The following SGCZ variants were observed in gnomAD, a reference collection of about 807,000 sequenced individuals.
The protein encoded by SGCZ is sarcoglycan zeta.
A neutral mutation model predicts 41.3 loss-of-function variants in SGCZ; 40 were observed. The observed-to-expected ratio is 0.97, with a 90% CI of 0.75 to 1.26. The LOEUF (loss-of-function observed/expected upper bound fraction) is 1.26. Ranked by LOEUF, SGCZ falls within the 50% of genes most tolerant of loss-of-function variation. The probability of loss-of-function intolerance (pLI) is 0.00; values close to 1 mark genes in which losing one functional copy is unlikely to be tolerated. For synonymous variants in SGCZ, 206 were observed against 137.5 expected, an observed-to-expected ratio of 1.50 and a Z score of -3.49; for missense variants, 552 against 369.8, an observed-to-expected ratio of 1.49 and a Z score of -4.04.
At chr8:14,943,463 T>C (rs1004795530) in intron 1 of SGCZ, among the ~76,000 whole-genome samples, 4 of 152,214 alleles carry the variant, frequency 2.6e-5, no homozygotes, top group Non-Finnish European at 4.4e-5. Flanking sequence ...CTGTGAGGCT[T>C]GCTGGGCCTC....
intron 4 of SGCZ, among the ~76,000 whole-genome samples, chr8:14,179,990 G>A (rs914609265): frequency 2.0e-5 from 3 of 152,312 alleles, no homozygotes; most frequent in Admixed American, 1.3e-4. Flanking sequence ...GCACTCTTTT[G>A]TATTAGAAGT....
intron 1 of SGCZ, among the ~76,000 whole-genome samples, chr8:15,044,180 G>T (rs1186820067): frequency 3.3e-5 from 5 of 151,990 alleles, no homozygotes; most frequent in Non-Finnish European, 7.4e-5. Context: ...ATGCTATATT[G>T]AATAAATGTC....
At chr8:15,126,544 G>C (rs1256590516) in intron 1 of SGCZ, among the ~76,000 whole-genome samples, 1 of 152,180 alleles carries the variant, frequency 6.6e-6, no homozygotes, top group African/African-American at 2.4e-5. Flanking sequence ...AACAGGAACA[G>C]ATAAATTCAT....
chr8:14,326,250 T>A (rs547957273), intron 2 of SGCZ, among the ~76,000 whole-genome samples: 19 of 151,616 alleles, frequency 1.3e-4, no homozygotes, highest in Admixed American at 7.9e-4. Flanking sequence ...TGGGAAAATA[T>A]CTTTTATGTG....
chr8:15,208,902 T>TAG (rs35949197), intron 1 of SGCZ, among the ~76,000 whole-genome samples: 12 of 149,984 alleles, frequency 8.0e-5, no homozygotes, highest in African/African-American at 2.2e-4. Flanking sequence ...TACATATATA[T>TAG]AGAGAGAGAG....
intron 1 of SGCZ, among the ~76,000 whole-genome samples, chr8:15,094,032 C>T (rs992048334): frequency 6.6e-6 from 1 of 151,974 alleles, no homozygotes; most frequent in Admixed American, 6.6e-5. Context: ...TAAAAGGAAC[C>T]AAATTAATTG....
At chr8:14,809,498 G>C (rs571846746) in intron 1 of SGCZ, among the ~76,000 whole-genome samples, 1 of 152,020 alleles carries the variant, frequency 6.6e-6, no homozygotes, top group South Asian at 2.1e-4. Context: ...GAAACCACTT[G>C]GTATGGTAAT....
intron 1 of SGCZ, among the ~76,000 whole-genome samples, chr8:15,199,670 G>C (rs1051532981): frequency 6.6e-6 from 1 of 152,108 alleles, no homozygotes; most frequent in Admixed American, 6.6e-5. Flanking sequence ...AATTCAATTT[G>C]CTAACACCTG....
At chr8:15,058,700 T>A (rs1037253474) in intron 1 of SGCZ, among the ~76,000 whole-genome samples, 1 of 152,216 alleles carries the variant, frequency 6.6e-6, no homozygotes, top group East Asian at 1.9e-4. Flanking sequence ...AACTAGGATA[T>A]CCTGTCAACA....
chr8:14,928,645 T>G (rs981310302), intron 1 of SGCZ, among the ~76,000 whole-genome samples: 4 of 152,200 alleles, frequency 2.6e-5, no homozygotes, highest in African/African-American at 9.7e-5. Context: ...ACTGGGGTCC[T>G]CAGTGGTGGA....
intron 3 of SGCZ, among the ~76,000 whole-genome samples, chr8:14,320,444 A>G (rs1484478198): frequency 2.0e-5 from 3 of 150,680 alleles, no homozygotes; most frequent in Admixed American, 6.7e-5. Context: ...TTTTATTATT[A>G]TAATTATTAT....
At chr8:14,155,900 C>A (rs1025433300) in intron 5 of SGCZ, among the ~76,000 whole-genome samples, 1 of 152,060 alleles carries the variant, frequency 6.6e-6, no homozygotes, top group African/African-American at 2.4e-5. Flanking sequence ...CAAACCTGTA[C>A]AGCATGTTAC....
At chr8:14,813,199 T>C (rs1307407496) in intron 1 of SGCZ, among the ~76,000 whole-genome samples, 1 of 152,228 alleles carries the variant, frequency 6.6e-6, no homozygotes, top group Non-Finnish European at 1.5e-5. Flanking sequence ...AAAATGATCC[T>C]AATATGCTAG....
At chr8:14,160,916 A>G (rs1327690192) in intron 5 of SGCZ, among the ~76,000 whole-genome samples, 1 of 152,188 alleles carries the variant, frequency 6.6e-6, no homozygotes, top group Non-Finnish European at 1.5e-5. Context: ...CTGAAAGACA[A>G]GTTCCTTTAT....
chr8:14,488,278 G>C (rs915529723), intron 2 of SGCZ, among the ~76,000 whole-genome samples: 2 of 152,218 alleles, frequency 1.3e-5, no homozygotes, highest in Non-Finnish European at 2.9e-5. Context: ...TTGATGGATT[G>C]ATATTAATTC....
chr8:15,045,917 C>T (rs1410975988), intron 1 of SGCZ, among the ~76,000 whole-genome samples: 1 of 152,038 alleles, frequency 6.6e-6, no homozygotes, highest in Non-Finnish European at 1.5e-5. Flanking sequence ...AAACTAATAT[C>T]CAGATACTGG....
intron 1 of SGCZ, among the ~76,000 whole-genome samples, chr8:14,915,505 G>A (rs916861487): frequency 6.6e-6 from 1 of 152,150 alleles, no homozygotes; most frequent in Non-Finnish European, 1.5e-5. Context: ...GAAGGAACCA[G>A]GGCCTAGACA....
chr8:14,710,211 A>C (rs1177495187), intron 1 of SGCZ, among the ~76,000 whole-genome samples: 7 of 68,710 alleles, frequency 1.0e-4, no homozygotes, highest in African/African-American at 3.0e-4. Flanking sequence ...TAAAAAAAAC[A>C]AAAAAAAAAT....
intron 3 of SGCZ, among the ~76,000 whole-genome samples, chr8:14,284,991 G>C (rs1006233716): frequency 3.3e-5 from 5 of 152,122 alleles, no homozygotes; most frequent in African/African-American, 1.2e-4. Context: ...GGTGCCTCCA[G>C]ATGATATCTT....
Sources: allele counts gnomAD v4.1 joint callset (sites outside exome capture counted in the v4.1 genomes callset), GRCh38; gene constraint gnomAD v4.1.1; transcripts MANE v1.5; gene names NCBI Gene and HGNC (gene_info 2026-07-23, HGNC 2026-07-21).